The following DYNC1I1 variants were observed in gnomAD, a reference collection of about 807,000 sequenced individuals.
DYNC1I1 encodes the protein cytoplasmic dynein 1 intermediate chain 1.
A neutral mutation model predicts 86.6 loss-of-function variants in DYNC1I1; 43 were observed. That is an observed-to-expected ratio of 0.50 (90% CI 0.39 to 0.64). DYNC1I1 has a LOEUF of 0.64. Ranked by LOEUF, DYNC1I1 falls within the 30% of genes least tolerant of loss-of-function variation. The pLI, the probability that DYNC1I1 is intolerant of heterozygous loss-of-function variation, is 0.00. For synonymous variants in DYNC1I1, 262 were observed against 283.7 expected (o/e 0.92, Z 0.77); for missense variants, 604 against 788.8 (o/e 0.77, Z 2.81).
chr7:95,870,588 G>A (rs538653238), intron 6 of DYNC1I1, among the ~76,000 whole-genome samples: 28 of 152,182 alleles, frequency 1.8e-4, no homozygotes, highest in Non-Finnish European at 4.0e-4. Flanking sequence ...GCCAATTGAG[G>A]TAACAACACA....
chr7:95,874,682 G>C (rs10429154), intron 6 of DYNC1I1, among the ~76,000 whole-genome samples: 24,100 of 152,138 alleles, frequency 0.16, 1,976 homozygotes, highest in Admixed American at 0.21. Context: ...CTCCCTGTGT[G>C]TGTGTTCACC....
intron 6 of DYNC1I1, among the ~76,000 whole-genome samples, chr7:95,927,063 A>C (rs561398601): frequency 1.3e-5 from 2 of 152,160 alleles, no homozygotes; most frequent in African/African-American, 4.8e-5. Context: ...CTCATGAGCA[A>C]AAACTGCTGT....
chr7:95,932,068 T>C (rs986952366), intron 6 of DYNC1I1, among the ~76,000 whole-genome samples: 59 of 152,224 alleles, frequency 3.9e-4, no homozygotes, highest in African/African-American at 1.4e-3. Context: ...TATTTTTCCA[T>C]TTAACAGAAT....
intron 16 of DYNC1I1, among the ~76,000 whole-genome samples, chr7:96,081,914 TA>T (rs76056611): frequency 0.47 from 71,510 of 151,294 alleles, 17,358 homozygotes; most frequent in East Asian, 0.55. Flanking sequence ...TAATTCTAAG[TA>T]AAAAAAAAAA....
intron 7 of DYNC1I1, among the ~76,000 whole-genome samples, chr7:95,982,485 A>G (rs1265370191): frequency 1.3e-5 from 2 of 152,202 alleles, no homozygotes; most frequent in Non-Finnish European, 2.9e-5. Context: ...AAGTGACAAT[A>G]AGCTACAGGG....
rs768899789 is a variant in DYNC1I1 at position 96,080,463 on chromosome 7, G to T, written c.1751G>T (p.Arg584Leu). 1 of 1,614,168 alleles carries T rather than the reference G, an allele frequency of 6.2e-7. No individual in the cohort carries two copies. The highest frequency in any genetic ancestry group is 1.6e-4 in the Middle Eastern group (1 of 6,062). Residue 584 changes from arginine (R) to leucine (L), a missense_variant, in exon 16 of 17, where the codon CGT becomes CTT. Physicochemically the swap from Arg to Leu is moderately radical, Grantham distance 102 (BLOSUM62 -2). Transcript: ENST00000447467. ...GTTGCTGTTGGGGACTCGGAAGGCCGTATTTGGGTCTATGACGTTGGAGAG... is the reference window on the plus strand; with the variant it reads ...GTTGCTGTTGGGGACTCGGAAGGCCTTATTTGGGTCTATGACGTTGGAGAG... The part of the protein sequence containing the change: ...KEVAVGDSEG[R>L]IWVYDVGELA...
At chr7:95,949,396 G>A (rs1424971153) in intron 6 of DYNC1I1, among the ~76,000 whole-genome samples, 1 of 152,210 alleles carries the variant, frequency 6.6e-6, no homozygotes, top group African/African-American at 2.4e-5. Flanking sequence ...AGGAGTGGGT[G>A]GAAGTGATGC....
intron 5 of DYNC1I1, among the ~76,000 whole-genome samples, chr7:95,855,983 A>G (rs992982984): frequency 2.0e-5 from 3 of 152,206 alleles, no homozygotes; most frequent in Non-Finnish European, 4.4e-5. Context: ...CCTTTCTTCA[A>G]TAGTAAATTA....
chr7:96,025,933 T>C lies in DYNC1I1; in HGVS notation c.970-2242T>C, dbSNP rs76696454. Among the ~76,000 whole-genome samples the C allele has an allele frequency of 3.8e-4, 58 of 152,258 alleles. No individual in the cohort carries two copies. In the East Asian group the frequency reaches 0.011, roughly 29 times the overall value. On this transcript the variant is annotated intron_variant, in intron 10 of 16. Transcript: ENST00000447467. ...TAAAAAATTGAATGACATTCCTTTA[T>C]CCATATCGATTTGAGCTTTGGTAAA...
intron 3 of DYNC1I1, among the ~76,000 whole-genome samples, chr7:95,812,257 G>A (rs1432044815): frequency 1.3e-5 from 2 of 152,090 alleles, no homozygotes; most frequent in Admixed American, 6.6e-5. Context: ...CTACATTTAC[G>A]TACTGAAATT....
chr7:95,858,491 A>C (rs1006099425), intron 5 of DYNC1I1, among the ~76,000 whole-genome samples: 13 of 152,212 alleles, frequency 8.5e-5, no homozygotes, highest in Non-Finnish European at 1.9e-4. Context: ...TACATAAACC[A>C]ATATCATAGT....
At chr7:95,792,249 G>A (rs1349554420) in intron 1 of DYNC1I1, among the ~76,000 whole-genome samples, 6 of 152,162 alleles carry the variant, frequency 3.9e-5, no homozygotes, top group Non-Finnish European at 8.8e-5. Context: ...AACAGCACCG[G>A]TGAGGGGTGC....
intron 16 of DYNC1I1, among the ~76,000 whole-genome samples, chr7:96,082,545 A>C (rs1392132241): frequency 1.3e-5 from 2 of 152,166 alleles, no homozygotes; most frequent in Non-Finnish European, 2.9e-5. Flanking sequence ...GGACTGAAAA[A>C]CAGATTAGTT....
chr7:95,900,961 T>A (rs1759527730), intron 6 of DYNC1I1, among the ~76,000 whole-genome samples: 1 of 152,204 alleles, frequency 6.6e-6, no homozygotes, highest in South Asian at 2.1e-4. Context: ...TATTAAAAGG[T>A]CCTTTAATTT....
chr7:95,852,749 G>A (rs1239234332), intron 5 of DYNC1I1, among the ~76,000 whole-genome samples: 1 of 152,074 alleles, frequency 6.6e-6, no homozygotes, highest in Non-Finnish European at 1.5e-5. Context: ...CAGGTGATCT[G>A]CCTGCCTTGG....
intron 6 of DYNC1I1, among the ~76,000 whole-genome samples, chr7:95,956,248 G>T (rs1792706526): frequency 6.6e-6 from 1 of 152,004 alleles, no homozygotes; most frequent in South Asian, 2.1e-4. Flanking sequence ...ATAATACGTA[G>T]TATTAAGTGC....
intron 10 of DYNC1I1, among the ~76,000 whole-genome samples, chr7:96,001,274 G>T (rs1236514023): frequency 6.6e-6 from 1 of 152,116 alleles, no homozygotes; most frequent in African/African-American, 2.4e-5. Context: ...TTGCTGTCTT[G>T]TCCCTCCCTT....
intron 6 of DYNC1I1, among the ~76,000 whole-genome samples, chr7:95,952,177 T>C (rs191575819): frequency 1.3e-5 from 2 of 152,262 alleles, no homozygotes; most frequent in Non-Finnish European, 2.9e-5. Context: ...CTCCTTTCCC[T>C]GCTTTCTTAT....
At chr7:96,013,826 A>G (rs1794338033) in intron 10 of DYNC1I1, among the ~76,000 whole-genome samples, 2 of 152,184 alleles carry the variant, frequency 1.3e-5, no homozygotes, top group South Asian at 2.1e-4. Context: ...ACACAGAGAG[A>G]AGAGAAGCCC....
Sources: gnomAD v4.1 joint callset for allele counts (sites outside exome capture counted in the v4.1 genomes callset) on GRCh38, gnomAD v4.1.1 for gene constraint, MANE v1.5 for transcripts, NCBI Gene and HGNC (gene_info 2026-07-23, HGNC 2026-07-21) for gene names.